The following PIEZO2 variants were observed in gnomAD, a reference collection of about 807,000 sequenced individuals.
PIEZO2 encodes the protein piezo type mechanosensitive ion channel component 2.
In PIEZO2, 172 loss-of-function variants were observed where a neutral mutation model predicts 337.3. The observed-to-expected ratio is 0.51, with a 90% confidence interval of 0.45 to 0.58. PIEZO2 has a LOEUF of 0.58. Among genes scored for constraint, PIEZO2 ranks in the 20% least tolerant of loss-of-function variants. PIEZO2 has a pLI of 0.00. For synonymous variants in PIEZO2, 1,251 were observed against 1,228.5 expected (o/e 1.02, Z -0.38); for missense variants, 3,028 against 3,391.3 (o/e 0.89, Z 2.66).
chr18:11,095,142 G>T (rs567325031), intron 1 of PIEZO2, among the ~76,000 whole-genome samples: 5 of 152,306 alleles, frequency 3.3e-5, no homozygotes, highest in South Asian at 4.1e-4. Flanking sequence ...TGGAATGAGT[G>T]AAAATGGCCA....
rs2037399127 is a variant in PIEZO2 at position 11,048,422 on chromosome 18, A to G, written c.160+17705T>C. Among the ~76,000 whole-genome samples the G allele has an allele frequency of 6.6e-6, 1 of 152,200 alleles. No homozygotes were observed. Among genetic ancestry groups the G allele is most frequent in the Admixed American group, 6.5e-5 (1 of 15,280 alleles). On this transcript the variant is annotated intron_variant, in intron 2 of 55. Transcript: ENST00000674853. The surrounding 1 kb of genome is among the most constrained non-coding windows in gnomAD (Gnocchi z 4.5). ...CAAAGGAAATGAATGCATATTTTGT[A>G]CCAGTATTCTCAGTGTGTTTATTTG... is the stretch of plus-strand genomic sequence containing the variant.
At chr18:10,921,005 A>G (rs2031356241) in intron 3 of PIEZO2, among the ~76,000 whole-genome samples, 1 of 152,142 alleles carries the variant, frequency 6.6e-6, no homozygotes, top group South Asian at 2.1e-4. Flanking sequence ...GTGAGCCAAG[A>G]TCCTGCCATT....
chr18:10,975,725 G>T (rs1352133119), intron 3 of PIEZO2, among the ~76,000 whole-genome samples: 1 of 152,194 alleles, frequency 6.6e-6, no homozygotes, highest in African/African-American at 2.4e-5. Flanking sequence ...TTGCGATAAT[G>T]AGGGTGAGGG....
At chr18:10,751,242 C>T (rs2037633120) in intron 28 of PIEZO2, among the ~76,000 whole-genome samples, 2 of 152,086 alleles carry the variant, frequency 1.3e-5, no homozygotes. Context: ...AAATAGTGCT[C>T]AGTAAAAAAC....
intron 47 of PIEZO2, among the ~76,000 whole-genome samples, chr18:10,692,513 C>T (rs1455701221): frequency 6.6e-6 from 1 of 150,700 alleles, no homozygotes; most frequent in Non-Finnish European, 1.5e-5. Flanking sequence ...TCACCCCTTC[C>T]TTCCTTCTTG....
At chr18:10,958,229 C>T (rs1348720606) in intron 3 of PIEZO2, among the ~76,000 whole-genome samples, 1 of 152,100 alleles carries the variant, frequency 6.6e-6, no homozygotes, top group African/African-American at 2.4e-5. Context: ...CCATTTGAGA[C>T]TAGGTAAAAT....
intron 33 of PIEZO2, chr18:10,740,591 A>G (rs2037177888): frequency 5.4e-6 from 1 of 185,704 alleles, no homozygotes; most frequent in Non-Finnish European, 1.1e-5. Context: ...CTTACAGAGA[A>G]AGGGTCACTG....
rs373473139 is a variant in PIEZO2, at chr18:11,078,096, C to A, written c.65-11874G>T. 3.4e-5 allele frequency among the ~76,000 whole-genome samples: 5 copies of A among 148,736 alleles called. No homozygotes were observed. The highest frequency in any genetic ancestry group is 1.0e-4 in the African/African-American group (4 of 39,032). ...ACACACAAAAACAAACATACACACA[C>A]ACAAACACATACACATATACACACC... On this transcript the variant is annotated intron_variant, in intron 1 of 55. Coordinates refer to ENST00000674853, the MANE Select transcript of PIEZO2 (RefSeq NM_001378183.1). This position sits in a 1 kb window ranked among gnomAD's most constrained non-coding sequence, Gnocchi z 5.3.
chr18:10,687,822 C>T (rs2143585640), intron 49 of PIEZO2, among the ~76,000 whole-genome samples: 1 of 152,238 alleles, frequency 6.6e-6, no homozygotes, highest in African/African-American at 2.4e-5. Context: ...CCAGATGCAA[C>T]CTGCAGGTGT....
chr18:11,001,530 T>C lies in PIEZO2; in HGVS notation c.161-21870A>G, dbSNP rs2035534150. On this transcript the variant is annotated intron_variant, in intron 2 of 55. Coordinates refer to ENST00000674853, the MANE Select transcript of PIEZO2 (RefSeq NM_001378183.1). This position sits in a 1 kb window ranked among gnomAD's most constrained non-coding sequence, Gnocchi z 5.3. ...TCCCCTATGTAGCTGTATTTTGTTA[T>C]GTGTTGTGTGTGCACATTTTCCAGA... 6.6e-6 allele frequency among the ~76,000 whole-genome samples: 1 copy of C among 152,096 alleles called. No homozygotes were observed. Among genetic ancestry groups the C allele is most frequent in the South Asian group, 2.1e-4 (1 of 4,830 alleles).
intron 3 of PIEZO2, among the ~76,000 whole-genome samples, chr18:10,922,090 TC>T (rs2031455471): frequency 1.3e-5 from 2 of 152,108 alleles, no homozygotes; most frequent in African/African-American, 4.8e-5. Flanking sequence ...CCTTGTGATA[TC>T]CTATCACCTT....
intron 42 of PIEZO2, among the ~76,000 whole-genome samples, chr18:10,703,448 T>C (rs9789201): frequency 0.069 from 10,448 of 152,344 alleles, 614 homozygotes; most frequent in East Asian, 0.22. Flanking sequence ...CAAATACTTT[T>C]GAGATGCTTT....
chr18:11,026,006 T>A (rs765293623), intron 2 of PIEZO2, among the ~76,000 whole-genome samples: 1 of 152,098 alleles, frequency 6.6e-6, no homozygotes, highest in Non-Finnish European at 1.5e-5. Context: ...AAGTCCCCTT[T>A]TCAGAGCTGC....
At position 11,149,562 on chromosome 18, in the gene PIEZO2, C is replaced by A. The variant is rs2040902211; in HGVS notation, c.-974G>T. 6.6e-6 allele frequency among the ~76,000 whole-genome samples: 1 copy of A among 152,030 alleles called. No individual in the cohort carries two copies. Among genetic ancestry groups the A allele is most frequent in the Non-Finnish European group, 1.5e-5 (1 of 67,950 alleles). On this transcript the variant is annotated 5_prime_UTR_variant, in exon 1 of 56. Coordinates refer to ENST00000674853, the MANE Select transcript of PIEZO2 (RefSeq NM_001378183.1). This position sits in a 1 kb window ranked among gnomAD's most constrained non-coding sequence, Gnocchi z 8.7. ...CTCCCCGGCGGCGCGCGCTTCTCCA[C>A]CTTCAATGAAACTTTCGAAGCCCTC...
At chr18:10,681,981 G>A in intron 50 of PIEZO2, 123 bp downstream of exon 50, 1 of 1,000,718 alleles carries the variant, frequency 1.0e-6, no homozygotes, top group Admixed American at 2.8e-5. Context: ...TCAAGTATTT[G>A]CTGAGCAGTC....
In PIEZO2 at chr18:10,816,021, C is replaced by T. The variant is rs574914045; in HGVS notation, c.918-8747G>A. ...GGTGCGGGAAACACAACACAGGTACCGGATTACGGTTATGATCAAATCCCA... is the reference window on the plus strand; with the variant it reads ...GGTGCGGGAAACACAACACAGGTACTGGATTACGGTTATGATCAAATCCCA... On this transcript the variant is annotated intron_variant, in intron 7 of 55. Coordinates refer to ENST00000674853, the MANE Select transcript of PIEZO2 (RefSeq NM_001378183.1). Among the ~76,000 whole-genome samples, 8 of 152,292 alleles carry T rather than the reference C, an allele frequency of 5.3e-5. No homozygotes were observed. The South Asian group carries it at 1.0e-3, about 20-fold the overall frequency.
intron 3 of PIEZO2, among the ~76,000 whole-genome samples, chr18:10,963,798 G>T: frequency 6.6e-6 from 1 of 152,116 alleles, no homozygotes; most frequent in African/African-American, 2.4e-5. Context: ...TGCTAATTTA[G>T]GCTGTTATCT....
chr18:10,800,938 C>T (rs912622811), intron 10 of PIEZO2, among the ~76,000 whole-genome samples: 1 of 152,266 alleles, frequency 6.6e-6, no homozygotes, highest in Non-Finnish European at 1.5e-5. Context: ...CTAATGCAAA[C>T]ATCCCTTGGA....
chr18:10,972,398 G>C (rs763150265), intron 3 of PIEZO2, among the ~76,000 whole-genome samples: 12 of 152,088 alleles, frequency 7.9e-5, no homozygotes, highest in African/African-American at 2.9e-4. Context: ...GGTAGGTGCC[G>C]GAATGAGAAG....
Sources: gnomAD v4.1 joint callset for allele counts (sites outside exome capture counted in the v4.1 genomes callset) on GRCh38, gnomAD v4.1.1 for gene constraint, Gnocchi (gnomAD v3.1) non-coding constraint, MANE v1.5 for transcripts, NCBI Gene and HGNC (gene_info 2026-07-23, HGNC 2026-07-21) for gene names.